MEGF11: variants seen among roughly 807,000 people sequenced by gnomAD.
The protein encoded by MEGF11 is multiple EGF like domains 11.
In MEGF11, 126 loss-of-function variants were observed where a neutral mutation model predicts 146.6. The ratio of observed to expected loss-of-function variants is 0.86; its 90% CI spans 0.74 to 1.00. The LOEUF (loss-of-function observed/expected upper bound fraction) is 1.00, where lower values mean the gene tolerates loss of function less well. MEGF11 is among the 50% of genes least tolerant of loss of function. The probability of loss-of-function intolerance (pLI) is 0.00; values close to 1 mark genes in which losing one functional copy is unlikely to be tolerated. For missense variants in MEGF11, 1,509 were observed against 1,521.2 expected (o/e 0.99, Z 0.13); for synonymous variants, 532 against 583.4 (o/e 0.91, Z 1.27).
At position 65,929,822 on chromosome 15, in the gene MEGF11, G is replaced by C; in HGVS notation, c.1470C>G (p.Asn490Lys). ...CCCCATTGGCACAGGTGCAGCTCTC[G>C]TTGCAGTTCAGGCCCCACGTCCCAC... ...CPSGTWGLNCNESCTCANGAA... is the reference protein window; with the variant it reads ...CPSGTWGLNCKESCTCANGAA... Residue 490 changes from asparagine (N) to lysine (K), a missense_variant, in exon 12 of 26, where the codon AAC becomes AAG. Coordinates refer to ENST00000395614, the MANE Select transcript of MEGF11 (RefSeq NM_001385028.1). The C allele has an allele frequency of 6.3e-7, 1 of 1,587,452 alleles. No homozygotes were observed. Among genetic ancestry groups the C allele is most frequent in the Non-Finnish European group, 8.6e-7 (1 of 1,167,074 alleles).
intron 1 of MEGF11, among the ~76,000 whole-genome samples, chr15:66,180,961 C>T (rs144665319): frequency 1.4e-3 from 215 of 152,332 alleles, no homozygotes; most frequent in African/African-American, 5.0e-3. Context: ...TGACCACTCA[C>T]CAGCTCCTCC....
At chr15:66,057,099 A>C (rs994676756) in intron 5 of MEGF11, among the ~76,000 whole-genome samples, 1 of 152,208 alleles carries the variant, frequency 6.6e-6, no homozygotes, top group Non-Finnish European at 1.5e-5. Context: ...CCCAGCCTTC[A>C]TGGGAGAGAA....
chr15:66,172,103 G>A (rs867515607), intron 1 of MEGF11, among the ~76,000 whole-genome samples: 1 of 152,148 alleles, frequency 6.6e-6, no homozygotes, highest in South Asian at 2.1e-4. Context: ...GGATGGTGGC[G>A]GTGGATGGCT....
chr15:66,068,003 C>T (rs910823343), intron 5 of MEGF11, among the ~76,000 whole-genome samples: 10 of 152,158 alleles, frequency 6.6e-5, no homozygotes, highest in African/African-American at 1.9e-4. Context: ...AAATGCTTCA[C>T]TTTGCTGAGC....
intron 1 of MEGF11, among the ~76,000 whole-genome samples, chr15:66,220,969 G>A (rs1277947011): frequency 6.6e-6 from 1 of 152,120 alleles, no homozygotes; most frequent in Non-Finnish European, 1.5e-5. Context: ...CTGGGGAAAT[G>A]GAAGTAAGGG....
chr15:66,209,473 T>C (rs2140121083), intron 1 of MEGF11, among the ~76,000 whole-genome samples: 1 of 152,324 alleles, frequency 6.6e-6, no homozygotes, highest in Middle Eastern at 3.4e-3. Context: ...ATGTTGATAG[T>C]AGCTTTATTT....
chr15:66,042,236 A>T (rs2084014321), intron 5 of MEGF11, among the ~76,000 whole-genome samples: 1 of 151,738 alleles, frequency 6.6e-6, no homozygotes, highest in Non-Finnish European at 1.5e-5. Context: ...CAGCCTCCCA[A>T]GTAGCTGGGA....
chr15:66,200,056 C>T (rs1347279164), intron 1 of MEGF11, among the ~76,000 whole-genome samples: 2 of 152,174 alleles, frequency 1.3e-5, no homozygotes, highest in Admixed American at 6.5e-5. Flanking sequence ...AATCTGTATA[C>T]GGTATAACCT....
chr15:65,924,208 G>T (rs2079279508), intron 13 of MEGF11, among the ~76,000 whole-genome samples: 1 of 152,098 alleles, frequency 6.6e-6, no homozygotes, highest in Non-Finnish European at 1.5e-5. Flanking sequence ...AACCACCGGA[G>T]AGGGGAGAGG....
intron 5 of MEGF11, among the ~76,000 whole-genome samples, chr15:66,053,332 G>C (rs1187178747): frequency 6.6e-6 from 1 of 152,062 alleles, no homozygotes; most frequent in Non-Finnish European, 1.5e-5. Context: ...CGAGGAGATG[G>C]GGACTTAAAT....
At chr15:66,064,905 C>T (rs2085057211) in intron 5 of MEGF11, among the ~76,000 whole-genome samples, 1 of 152,188 alleles carries the variant, frequency 6.6e-6, no homozygotes, top group South Asian at 2.1e-4. Flanking sequence ...ATTCCTCCAT[C>T]AGGCTGGGAG....
chr15:65,899,317 A>G lies in MEGF11; in HGVS notation c.3056-383T>C, dbSNP rs1160589991. On this transcript the variant is annotated intron_variant, in intron 24 of 25. Coordinates refer to ENST00000395614, the MANE Select transcript of MEGF11 (RefSeq NM_001385028.1). ...TTAGCTAAAGTCACACAGCTAGTGA[A>G]TGGCAGTGCCAAGAATTGAATCCAT... 2.0e-5 allele frequency among the ~76,000 whole-genome samples: 3 copies of G among 152,336 alleles called. No homozygotes were observed. The East Asian group carries it at 5.8e-4, about 29-fold the overall frequency.
chr15:66,129,669 G>A (rs926803679), intron 1 of MEGF11, among the ~76,000 whole-genome samples: 3 of 152,100 alleles, frequency 2.0e-5, no homozygotes, highest in Non-Finnish European at 2.9e-5. Context: ...GATACAAGCC[G>A]GCATGTATTT....
rs536441340 is a variant in MEGF11, at chr15:66,041,216, G to A, written c.394+53186C>T. Among the ~76,000 whole-genome samples the A allele has an allele frequency of 9.2e-5, 14 of 152,272 alleles. No individual in the cohort carries two copies. The East Asian group carries it at 9.6e-4, about 10-fold the overall frequency. On this transcript the variant is annotated intron_variant, in intron 5 of 25. Coordinates refer to ENST00000395614, the MANE Select transcript of MEGF11 (RefSeq NM_001385028.1). ...CTAAGCTGGATACAGCTCTGGGCAC[G>A]GAACAGGTCTTTGGTAAGTTGATCG...
intron 1 of MEGF11, among the ~76,000 whole-genome samples, chr15:66,245,363 C>A (rs936662970): frequency 6.6e-6 from 1 of 152,024 alleles, no homozygotes; most frequent in African/African-American, 2.4e-5. Flanking sequence ...CACAGTGGCG[C>A]ACTCCTGTAA....
chr15:66,150,317 G>GTGCTATTC (rs560027464), intron 1 of MEGF11, among the ~76,000 whole-genome samples: 250 of 152,346 alleles, frequency 1.6e-3, no homozygotes, highest in African/African-American at 5.7e-3. Flanking sequence ...AACAAATATT[G>GTGCTATTC]TGCTATTCCT....
chr15:65,996,362 G>A (rs2082197304), intron 5 of MEGF11, among the ~76,000 whole-genome samples: 1 of 152,268 alleles, frequency 6.6e-6, no homozygotes, highest in Middle Eastern at 3.4e-3. Context: ...AACCAATACA[G>A]CAAATGAGCA....
chr15:66,200,726 G>A (rs4776763), intron 1 of MEGF11, among the ~76,000 whole-genome samples: 39,993 of 152,040 alleles, frequency 0.26, 5,879 homozygotes, highest in East Asian at 0.59. Flanking sequence ...CCTATTATTA[G>A]CATGGCTGTT....
intron 20 of MEGF11, 95 bp from the exon 21 acceptor site, chr15:65,912,295 G>T: frequency 1.4e-6 from 1 of 724,208 alleles, no homozygotes; most frequent in Non-Finnish European, 1.9e-6. Flanking sequence ...CCTTGAGAGA[G>T]CCCTGCAAAG....
Sources: allele counts gnomAD v4.1 joint callset (sites outside exome capture counted in the v4.1 genomes callset), GRCh38; gene constraint gnomAD v4.1.1; transcripts MANE v1.5; gene names NCBI Gene and HGNC (gene_info 2026-07-23, HGNC 2026-07-21).